The following MGAM variants were observed in gnomAD, a reference collection of about 807,000 sequenced individuals.
The protein encoded by MGAM is alpha-1,4-glucosidase.
Under a neutral mutation model 358.8 loss-of-function variants are expected in MGAM, and 253 were observed. The ratio of observed to expected loss-of-function variants is 0.71; its 90% CI spans 0.64 to 0.78. The LOEUF is 0.78. Ranked by LOEUF, MGAM falls within the 30% of genes least tolerant of loss-of-function variation. The pLI, the probability that MGAM is intolerant of heterozygous loss-of-function variation, is 0.00. For missense variants in MGAM, 3,080 were observed against 3,432.6 expected (o/e 0.90, Z 2.57); for synonymous variants, 1,105 against 1,227.1 (o/e 0.90, Z 2.08).
Position 142,052,388 on chromosome 7 carries a change from A to C in MGAM, c.2900A>C (p.Tyr967Ser). 6.2e-7 allele frequency: 1 copy of C among 1,613,102 alleles called. No individual in the cohort carries two copies. Among genetic ancestry groups the C allele is most frequent in the Non-Finnish European group, 8.5e-7 (1 of 1,179,528 alleles). ...AGGGATGAAGAAAAAATAGACTGTT[A>C]CCCTGATGAGAATGGTGCTTCTGCC... ...KIRDEEKIDC[Y>S]PDENGASAEN... is the part of the protein sequence containing the mutation. Residue 967 changes from tyrosine to serine, a missense_variant, in exon 25 of 71, where the codon TAC becomes TCC. Tyr to Ser is a moderately radical substitution (Grantham distance 144, BLOSUM62 -2). This residue lies in a region of MGAM where 1,816 missense variants were observed against 1,840.5 expected (regional missense o/e 0.99). Coordinates refer to ENST00000475668, the MANE Select transcript of MGAM (RefSeq NM_001365693.1).
chr7:142,100,283 A>G (rs1816327131), intron 67 of MGAM, among the ~76,000 whole-genome samples: 3 of 152,334 alleles, frequency 2.0e-5, no homozygotes, highest in Middle Eastern at 3.4e-3. Context: ...CCACCATTTC[A>G]TAGATGAGCA....
rs1409916377 is a variant in MGAM, at chr7:142,040,162, C to T, written c.2364C>T (p.Asp788=). ...MAYVPDAVWY[D]YETGSQVRWR... is the part of the protein sequence containing the mutation. ...ATGTGCCTGATGCTGTCTGGTATGA[C>T]TACGAGACTGTAAGTAGCTTTGACT... Residue 788 remains aspartate (D), a synonymous_variant, in exon 20 of 71, where the codon GAC becomes GAT. Transcript: ENST00000475668. The T allele has an allele frequency of 1.2e-6, 2 of 1,611,492 alleles. No individual in the cohort carries two copies. The highest frequency in any genetic ancestry group is 1.7e-6 in the Non-Finnish European group (2 of 1,178,210).
intron 21 of MGAM, among the ~76,000 whole-genome samples, chr7:142,044,708 G>A (rs1326953799): frequency 1.2e-5 from 1 of 85,028 alleles, no homozygotes; most frequent in African/African-American, 4.4e-5. Context: ...TTATATACAC[G>A]TGTAATATAT....
chr7:142,001,937 A>T (rs1804772128), intron 1 of MGAM, among the ~76,000 whole-genome samples: 1 of 152,226 alleles, frequency 6.6e-6, no homozygotes, highest in Non-Finnish European at 1.5e-5. Flanking sequence ...ATAGATAATA[A>T]TAACAAAAGA....
At position 142,076,781 on chromosome 7, in the gene MGAM, C is replaced by T; in HGVS notation, c.5448C>T (p.Val1816=). The change falls in exon 47 of 71, where the codon GTC becomes GTT. Residue 1816 remains valine (V), a synonymous_variant. Transcript: ENST00000475668. The part of the protein sequence containing the change: ...PSNVTVKHNG[V]PSQTSPTVTY... ...ATGTTACGGTGAAACACAATGGTGTCCCAAGTCAGACTTCTCCTACAGTCA... is the reference window on the plus strand; with the variant it reads ...ATGTTACGGTGAAACACAATGGTGTTCCAAGTCAGACTTCTCCTACAGTCA... 1 of 1,555,112 alleles carries T rather than the reference C, an allele frequency of 6.4e-7. No homozygotes were observed. Among genetic ancestry groups the T allele is most frequent in the Non-Finnish European group, 8.8e-7 (1 of 1,131,654 alleles).
At chr7:142,044,160 T>C (rs1809591910) in intron 21 of MGAM, among the ~76,000 whole-genome samples, 2 of 143,686 alleles carry the variant, frequency 1.4e-5, no homozygotes, top group Admixed American at 7.3e-5. Flanking sequence ...ATACGACGTA[T>C]AATATATACA....
At chr7:142,063,356 AC>A in intron 35 of MGAM, 142 bp from the exon 36 acceptor site, 1 of 955,284 alleles carries the variant, frequency 1.0e-6, no homozygotes, top group Non-Finnish European at 1.6e-6. Flanking sequence ...GCCAGTTCTC[AC>A]CAGGATTTGA....
intron 21 of MGAM, among the ~76,000 whole-genome samples, chr7:142,046,402 A>T (rs542792931): frequency 1.3e-5 from 2 of 151,868 alleles, no homozygotes; most frequent in Admixed American, 6.6e-5. Context: ...TGTGGGTCTC[A>T]TTCCTCCAGA....
At chr7:142,100,916 T>C in intron 68 of MGAM, 26 bp downstream of exon 68, 2 of 1,594,932 alleles carry the variant, frequency 1.3e-6, no homozygotes, top group Non-Finnish European at 1.7e-6. Flanking sequence ...CTGAGATTCA[T>C]GCTGATGGCA....
chr7:142,084,386 T>G, intron 53 of MGAM, 133 bp from the exon 54 acceptor site: 1 of 1,090,368 alleles, frequency 9.2e-7, no homozygotes, highest in Non-Finnish European at 1.3e-6. Flanking sequence ...CTCTATATCC[T>G]GTCAGTTTTG....
chr7:142,043,176 C>A (rs1262628246), intron 21 of MGAM, among the ~76,000 whole-genome samples: 12 of 10,472 alleles, frequency 1.1e-3, no homozygotes, highest in African/African-American at 6.0e-3. Context: ...ATTATATATA[C>A]ATATAATATC....
At chr7:142,045,072 G>T (rs1393538682) in intron 21 of MGAM, among the ~76,000 whole-genome samples, 1 of 61,742 alleles carries the variant, frequency 1.6e-5, no homozygotes, top group African/African-American at 5.1e-5. Context: ...TTATATATAC[G>T]TGTAATATAT....
At chr7:141,992,958 A>G (rs555721627), upstream of MGAM, among the ~76,000 whole-genome samples, 1 of 152,264 alleles carries the variant, frequency 6.6e-6, no homozygotes, top group Non-Finnish European at 1.5e-5. Context: ...AAATTCTTTG[A>G]TTCTATGATG....
intron 24 of MGAM, 107 bp downstream of exon 24, chr7:142,050,971 A>C (rs763138861): frequency 6.8e-7 from 1 of 1,476,202 alleles, no homozygotes; most frequent in Non-Finnish European, 9.4e-7. Context: ...GGCACCTTTG[A>C]GGCCTGTTTT....
chr7:142,010,293 GGTTGGA>G, intron 3 of MGAM, among the ~76,000 whole-genome samples: 1 of 152,178 alleles, frequency 6.6e-6, no homozygotes, highest in African/African-American at 2.4e-5. Context: ...GCTTGAAGCT[GGTTGGA>G]GGGCATCTTC....
Position 142,099,393 on chromosome 7 carries a change from CA to C in MGAM, c.7750-219del, listed in dbSNP as rs1350599459. Among the ~76,000 whole-genome samples, 7 of 152,278 alleles carry C rather than the reference CA, an allele frequency of 4.6e-5. No homozygotes were observed. The South Asian group carries it at 1.2e-3, about 27-fold the overall frequency. On this transcript the variant is annotated intron_variant, in intron 66 of 70. Transcript: ENST00000475668. ...ACACATCAGGCAAATGTAGTTTGTACAGTGGAAGCAAAGGCAAGAGACCCTA... is the reference window on the plus strand; with the variant it reads ...ACACATCAGGCAAATGTAGTTTGTACGTGGAAGCAAAGGCAAGAGACCCTA...
chr7:142,032,518 G>A (rs1554464146), intron 13 of MGAM, among the ~76,000 whole-genome samples: 7 of 151,458 alleles, frequency 4.6e-5, no homozygotes. Flanking sequence ...GTTATATTTC[G>A]ATATATGGAA....
intron 5 of MGAM, 136 bp from the exon 6 acceptor site, chr7:142,021,450 G>C: frequency 1.2e-6 from 1 of 864,440 alleles, no homozygotes; most frequent in East Asian, 2.7e-5. Flanking sequence ...TTTGAGTTTG[G>C]TAACATAATG....
chr7:142,021,691 C>T lies in MGAM; in HGVS notation c.664C>T (p.Gln222Ter). 6.2e-7 allele frequency: 1 copy of T among 1,613,944 alleles called. No homozygotes were observed. Among genetic ancestry groups the T allele is most frequent in the East Asian group, 2.2e-5 (1 of 44,878 alleles). Residue 222 changes from glutamine (Q) to a stop codon, truncating the protein, a stop_gained, in exon 6 of 71, where the codon CAG becomes TAG. Transcript: ENST00000475668. LOFTEE classifies it high-confidence loss of function. ...GACCTACCAAGTTGAAATCTCCAGA[C>T]AGCCATTTAGCATCAAAGTGACCAG... Reference protein sequence around the residue: ...SLTYQVEISRQPFSIKVTRRS... With the variant: ...SLTYQVEISR
Sources: allele counts gnomAD v4.1 joint callset (sites outside exome capture counted in the v4.1 genomes callset), GRCh38; gene constraint gnomAD v4.1.1; regional missense constraint gnomAD v4.1.1; transcripts MANE v1.5; gene names NCBI Gene and HGNC (gene_info 2026-07-23, HGNC 2026-07-21).